The following MTUS1 variants were observed in gnomAD, a reference collection of about 807,000 sequenced individuals.
The protein encoded by MTUS1 is microtubule-associated tumor suppressor 1.
A neutral mutation model predicts 120.8 loss-of-function variants in MTUS1; 109 were observed. The observed-to-expected ratio is 0.90, with a 90% CI of 0.77 to 1.06. The LOEUF (loss-of-function observed/expected upper bound fraction) is 1.06, where lower values mean the gene tolerates loss of function less well. MTUS1 is among the 50% of genes least tolerant of loss of function. The pLI is 0.00. For missense variants in MTUS1, 2,210 were observed against 1,486.3 expected (o/e 1.49, Z -8.01); for synonymous variants, 737 against 550.5 (o/e 1.34, Z -4.74).
intron 7 of MTUS1, among the ~76,000 whole-genome samples, chr8:17,681,285 G>T (rs1217822318): frequency 6.6e-6 from 1 of 152,152 alleles, no homozygotes; most frequent in East Asian, 1.9e-4. Context: ...TAAATTAAAT[G>T]CAAGTGGTGA....
chr8:17,718,092 T>C (rs997497099), intron 4 of MTUS1, among the ~76,000 whole-genome samples: 2 of 152,204 alleles, frequency 1.3e-5, no homozygotes, highest in Non-Finnish European at 2.9e-5. Flanking sequence ...AATATCTTTC[T>C]CTCAATTTCT....
chr8:17,698,062 G>A (rs1454140751), intron 6 of MTUS1, among the ~76,000 whole-genome samples: 1 of 151,612 alleles, frequency 6.6e-6, no homozygotes, highest in Non-Finnish European at 1.5e-5. Flanking sequence ...ATATATTAAT[G>A]ACAGATTGTC....
At chr8:17,729,284 C>T (rs555562447) in intron 3 of MTUS1, among the ~76,000 whole-genome samples, 18 of 152,094 alleles carry the variant, frequency 1.2e-4, no homozygotes, top group Non-Finnish European at 1.6e-4. Context: ...TACTCAAAAC[C>T]GTGGCTGCAG....
chr8:17,711,084 A>G (rs1443051771), intron 6 of MTUS1, among the ~76,000 whole-genome samples: 1 of 152,192 alleles, frequency 6.6e-6, no homozygotes, highest in East Asian at 1.9e-4. Context: ...TTTATAGAGC[A>G]CAGGCAGAGT....
chr8:17,791,499 T>C (rs1344843350), intron 1 of MTUS1, among the ~76,000 whole-genome samples: 1 of 152,346 alleles, frequency 6.6e-6, no homozygotes, highest in Non-Finnish European at 1.5e-5. Flanking sequence ...GATGACTCAA[T>C]TGTCTTTCGA....
chr8:17,719,658 T>A (rs1182504218), intron 4 of MTUS1, among the ~76,000 whole-genome samples: 1 of 152,150 alleles, frequency 6.6e-6, no homozygotes, highest in African/African-American at 2.4e-5. Flanking sequence ...ACTTTCCCTC[T>A]GAACCTGGAG....
chr8:17,663,159 T>G (rs1190486226), intron 8 of MTUS1, among the ~76,000 whole-genome samples: 1 of 152,216 alleles, frequency 6.6e-6, no homozygotes, highest in East Asian at 1.9e-4. Flanking sequence ...TCAAACATAA[T>G]CTCTGGAAAA....
chr8:17,774,372 C>T (rs2050248458), intron 1 of MTUS1, among the ~76,000 whole-genome samples: 1 of 152,126 alleles, frequency 6.6e-6, no homozygotes, highest in African/African-American at 2.4e-5. Flanking sequence ...CTGGCTAGTA[C>T]CACCTCAGTC....
intron 7 of MTUS1, chr8:17,676,392 C>A (rs959857686): frequency 4.3e-6 from 3 of 701,198 alleles, no homozygotes; most frequent in Non-Finnish European, 7.8e-6. Flanking sequence ...TACAGGTGGC[C>A]GCGCCACCCA....
chr8:17,697,849 A>G (rs984599724), intron 6 of MTUS1: 7 of 470,260 alleles, frequency 1.5e-5, no homozygotes, highest in African/African-American at 2.1e-5. Flanking sequence ...ATTAGAAAAA[A>G]ATTAGGATTT....
intron 1 of MTUS1, among the ~76,000 whole-genome samples, chr8:17,785,030 C>A (rs533928517): frequency 2.4e-4 from 37 of 152,236 alleles, no homozygotes; most frequent in African/African-American, 8.2e-4. Flanking sequence ...AGTGATCCAC[C>A]TGCCTCGGCC....
intron 8 of MTUS1, among the ~76,000 whole-genome samples, chr8:17,657,199 C>T (rs1159668391): frequency 6.6e-6 from 1 of 151,380 alleles, no homozygotes. Flanking sequence ...GCACAAATAT[C>T]TTAGGGAAAA....
chr8:17,709,720 C>A (rs1820890927), intron 6 of MTUS1, among the ~76,000 whole-genome samples: 2 of 151,944 alleles, frequency 1.3e-5, no homozygotes, highest in South Asian at 2.1e-4. Flanking sequence ...AAATATATAC[C>A]TTAATTTGCC....
At chr8:17,717,743 G>C (rs894191452) in intron 4 of MTUS1, among the ~76,000 whole-genome samples, 11 of 152,058 alleles carry the variant, frequency 7.2e-5, no homozygotes, top group Non-Finnish European at 4.4e-5. Flanking sequence ...TGTGTCCCTT[G>C]CCTCTCTGTC....
At chr8:17,676,269 T>C (rs1308813132) in intron 7 of MTUS1, 1 of 702,926 alleles carries the variant, frequency 1.4e-6, no homozygotes, top group Non-Finnish European at 2.6e-6. Context: ...AAACAAATAC[T>C]AATTACCCTT....
At chr8:17,653,549 T>C (rs1157137995) in intron 10 of MTUS1, 51 bp from the exon 11 acceptor site, 4 of 1,338,202 alleles carry the variant, frequency 3.0e-6, no homozygotes, top group South Asian at 1.2e-5. Flanking sequence ...ATGAGATCAA[T>C]GTACTCTAAA....
At chr8:17,664,410 T>C (rs1394531013) in intron 8 of MTUS1, among the ~76,000 whole-genome samples, 2 of 151,612 alleles carry the variant, frequency 1.3e-5, no homozygotes, top group Non-Finnish European at 2.9e-5. Flanking sequence ...CATACTCCTT[T>C]CCCAGACGCT....
intron 6 of MTUS1, chr8:17,691,427 G>A (rs1038753709): frequency 2.0e-5 from 3 of 152,222 alleles, no homozygotes; most frequent in African/African-American, 7.2e-5. Context: ...CACAGCTACC[G>A]AAGCTTGGAA....
chr8:17,793,319 C>T (rs752309325), intron 1 of MTUS1, among the ~76,000 whole-genome samples: 2 of 152,142 alleles, frequency 1.3e-5, no homozygotes, highest in Admixed American at 6.6e-5. Context: ...GCCGTTCAGT[C>T]GGACACAAGA....
Sources: allele counts gnomAD v4.1 joint callset (sites outside exome capture counted in the v4.1 genomes callset), GRCh38; gene constraint gnomAD v4.1.1; transcripts MANE v1.5; gene names NCBI Gene and HGNC (gene_info 2026-07-23, HGNC 2026-07-21).